The following RANBP2 variants were observed in gnomAD, a reference collection of about 807,000 sequenced individuals.
RANBP2 encodes the protein RAN binding protein 2.
A neutral mutation model predicts 303.6 loss-of-function variants in RANBP2; 57 were observed. The observed-to-expected ratio is 0.19, with a 90% CI of 0.15 to 0.23. The LOEUF (loss-of-function observed/expected upper bound fraction) is 0.23, where lower values mean the gene tolerates loss of function less well. RANBP2 is among the 10% of genes least tolerant of loss of function. The pLI is 1.00. For synonymous variants in RANBP2, 1,167 were observed against 1,301.5 expected (o/e 0.90, Z 2.23); for missense variants, 3,138 against 3,780.8 (o/e 0.83, Z 4.46).
the RANBP2 span, chr2:108,876,411 G>A: frequency 1.1e-5 from 5 of 458,370 alleles, no homozygotes; most frequent in African/African-American, 7.9e-5. Flanking sequence ...ATCTGTAGAA[G>A]GTATTGGAAC....
the RANBP2 span, among the ~76,000 whole-genome samples, chr2:108,952,089 G>A: frequency 2.6e-5 from 4 of 152,206 alleles, no homozygotes; most frequent in Non-Finnish European, 4.4e-5. Flanking sequence ...AAGGTCAAAA[G>A]GGAGAAATCA....
At chr2:109,146,884 CT>C in the RANBP2 span, among the ~76,000 whole-genome samples, 40 of 3,532 alleles carry the variant, frequency 0.011, no homozygotes, top group African/African-American at 0.019. Context: ...TCTTTTTTCC[CT>C]CCCCCCCCCC....
the RANBP2 span, among the ~76,000 whole-genome samples, chr2:109,225,948 A>G: frequency 6.6e-6 from 1 of 152,324 alleles, no homozygotes; most frequent in Non-Finnish European, 1.5e-5. Context: ...GCTTTCAAAG[A>G]GTCCCTATTC....
At chr2:109,568,008 TGAGG>T in the RANBP2 span, 49 of 1,514,908 alleles carry the variant, frequency 3.2e-5, no homozygotes, top group Admixed American at 1.0e-3. Flanking sequence ...AAAATCTTAC[TGAGG>T]ATTTTTTTTT....
chr2:109,726,421 CCAAAAAA>C, the RANBP2 span, among the ~76,000 whole-genome samples: 1 of 151,674 alleles, frequency 6.6e-6, no homozygotes, highest in African/African-American at 2.4e-5. Context: ...TAAAAACCCC[CCAAAAAA>C]CAAAAAACAA....
At chr2:108,842,961 A>G in the RANBP2 span, among the ~76,000 whole-genome samples, 1 of 152,168 alleles carries the variant, frequency 6.6e-6, no homozygotes, top group Admixed American at 6.5e-5. Context: ...TTAGAACCAC[A>G]TTAGAGAATG....
chr2:109,337,067 C>T, the RANBP2 span, among the ~76,000 whole-genome samples: 3 of 152,202 alleles, frequency 2.0e-5, no homozygotes, highest in South Asian at 2.1e-4. Context: ...AATAGCAAAC[C>T]GTATTTAGTA....
At chr2:109,104,121 C>T in the RANBP2 span, among the ~76,000 whole-genome samples, 4 of 152,096 alleles carry the variant, frequency 2.6e-5, no homozygotes, top group East Asian at 3.9e-4. Context: ...AAATTTTTCC[C>T]ACAAGAGACA....
the RANBP2 span, among the ~76,000 whole-genome samples, chr2:109,355,781 T>G: frequency 6.6e-6 from 1 of 152,214 alleles, no homozygotes; most frequent in African/African-American, 2.4e-5. Context: ...TCTTGCCGTC[T>G]TCATATACAA....
At chr2:109,671,179 G>A in the RANBP2 span, among the ~76,000 whole-genome samples, 1 of 152,050 alleles carries the variant, frequency 6.6e-6, no homozygotes, top group Non-Finnish European at 1.5e-5. Context: ...TCCACCTGCT[G>A]GATATTGGAG....
intron 9 of RANBP2, among the ~76,000 whole-genome samples, chr2:108,750,868 T>G (rs1675827887): frequency 6.6e-6 from 1 of 152,222 alleles, no homozygotes. Flanking sequence ...AACAGATTTC[T>G]TTACTGTACC....
chr2:109,345,446 GT>G, the RANBP2 span, among the ~76,000 whole-genome samples: 3 of 152,180 alleles, frequency 2.0e-5, no homozygotes, highest in Non-Finnish European at 4.4e-5. Context: ...GGTAGCAAAA[GT>G]CGCCAAACAG....
the RANBP2 span, among the ~76,000 whole-genome samples, chr2:109,061,538 A>G: frequency 2.0e-5 from 3 of 152,166 alleles, no homozygotes; most frequent in African/African-American, 7.2e-5. Flanking sequence ...ACAGGGAGAC[A>G]CTGAGGTTTC....
At chr2:109,069,142 T>A in the RANBP2 span, among the ~76,000 whole-genome samples, 1 of 152,202 alleles carries the variant, frequency 6.6e-6, no homozygotes, top group Admixed American at 6.5e-5. Context: ...ACTAATAAAT[T>A]TTCTATCTTG....
At chr2:109,215,541 G>T in the RANBP2 span, among the ~76,000 whole-genome samples, 1 of 152,098 alleles carries the variant, frequency 6.6e-6, no homozygotes, top group Non-Finnish European at 1.5e-5. Context: ...TTCTATGTGG[G>T]TTCCTCTCGG....
chr2:109,182,293 C>T, the RANBP2 span, among the ~76,000 whole-genome samples: 1 of 152,178 alleles, frequency 6.6e-6, no homozygotes, highest in Non-Finnish European at 1.5e-5. Context: ...AGTATGTGTG[C>T]ATGTGAGAGA....
chr2:109,286,231 T>C, the RANBP2 span, among the ~76,000 whole-genome samples: 1 of 152,220 alleles, frequency 6.6e-6, no homozygotes, highest in Non-Finnish European at 1.5e-5. Context: ...CAGCATTCTG[T>C]TTCTCTGAGG....
the RANBP2 span, among the ~76,000 whole-genome samples, chr2:109,267,472 CAG>C: frequency 6.6e-6 from 1 of 152,216 alleles, no homozygotes; most frequent in Non-Finnish European, 1.5e-5. Context: ...TTCATAAAGA[CAG>C]AGTCAGTGTT....
the RANBP2 span, among the ~76,000 whole-genome samples, chr2:109,534,976 A>G: frequency 3.3e-5 from 5 of 152,058 alleles, no homozygotes; most frequent in African/African-American, 1.2e-4. Flanking sequence ...CTCTGGACTC[A>G]CTCAGCAAGC....
Sources: allele counts gnomAD v4.1 joint callset (sites outside exome capture counted in the v4.1 genomes callset), GRCh38; gene constraint gnomAD v4.1.1; transcripts MANE v1.5; gene names NCBI Gene and HGNC (gene_info 2026-07-23, HGNC 2026-07-21).